Variants in PLCG2 observed in about 807,000 individuals in gnomAD.
The protein encoded by PLCG2 is phospholipase C gamma 2.
Under a neutral mutation model 175.6 loss-of-function variants are expected in PLCG2, and 69 were observed. That is an observed-to-expected ratio of 0.39 (90% CI 0.32 to 0.48). The LOEUF is 0.48. Ranked by LOEUF, PLCG2 falls within the 20% of genes least tolerant of loss-of-function variation. PLCG2 has a pLI of 0.91. For missense variants in PLCG2, 1,798 were observed against 1,650.9 expected, an observed-to-expected ratio of 1.09 and a Z score of -1.54; for synonymous variants, 827 against 624.0, an observed-to-expected ratio of 1.33 and a Z score of -4.85.
chr16:81,958,163 A>G lies in PLCG2; in HGVS notation c.*165A>G. 1 of 601,598 alleles carries G rather than the reference A, an allele frequency of 1.7e-6. No individual in the cohort carries two copies. The highest frequency in any genetic ancestry group is 3.0e-6 in the Non-Finnish European group (1 of 328,740). 37.3% of individuals were successfully genotyped at this position (601,598 alleles called of 1,614,324 possible). On this transcript the variant is annotated 3_prime_UTR_variant, in exon 33 of 33. Coordinates refer to ENST00000564138, the MANE Select transcript of PLCG2 (RefSeq NM_002661.5). ...AGACCCAACTGGCATGAGTTGGGGT[A>G]ATTTCCTATTATTTTCATCTTGGAC...
intron 6 of PLCG2, among the ~76,000 whole-genome samples, chr16:81,869,542 C>G (rs1907413138): frequency 6.6e-6 from 1 of 152,204 alleles, no homozygotes; most frequent in Non-Finnish European, 1.5e-5. Context: ...AACATCTACC[C>G]TCAGACCTGT....
chr16:81,846,469 A>C (rs1394841312), intron 2 of PLCG2, among the ~76,000 whole-genome samples: 1 of 152,256 alleles, frequency 6.6e-6, no homozygotes, highest in Non-Finnish European at 1.5e-5. Context: ...GATAACATGC[A>C]AAACATTAGC....
chr16:81,893,821 C>G (rs777201850), intron 12 of PLCG2, 27 bp downstream of exon 12: 2 of 1,449,242 alleles, frequency 1.4e-6, no homozygotes, highest in Non-Finnish European at 1.9e-6. Context: ...TGGTGGAGGT[C>G]AGGCTCGCAG....
At chr16:81,850,503 G>A (rs748972905) in intron 2 of PLCG2, among the ~76,000 whole-genome samples, 3 of 152,146 alleles carry the variant, frequency 2.0e-5, no homozygotes, top group East Asian at 1.9e-4. Flanking sequence ...CTGACCGTGC[G>A]TTCTTGGGCT....
At chr16:81,773,820 A>C (rs1029679993) in intron 2 of PLCG2, among the ~76,000 whole-genome samples, 15 of 152,160 alleles carry the variant, frequency 9.9e-5, no homozygotes, top group African/African-American at 2.9e-4. Context: ...GTGCAGAGCT[A>C]CAGAGAGTGA....
intron 7 of PLCG2, among the ~76,000 whole-genome samples, chr16:81,879,714 C>A (rs1263850192): frequency 1.3e-5 from 2 of 152,178 alleles, no homozygotes; most frequent in Non-Finnish European, 2.9e-5. Flanking sequence ...ACTGTTGAAG[C>A]AAGGCTACCT....
Position 81,746,985 on chromosome 16 carries a change from G to A in PLCG2, c.-145+7600G>A, listed in dbSNP as rs185527740. Among the ~76,000 whole-genome samples the A allele has an allele frequency of 5.7e-3, 862 of 152,204 alleles. 2 individuals are homozygous for A. Among genetic ancestry groups the A allele is most frequent in the Non-Finnish European group, 8.6e-3 (582 of 68,018 alleles). On this transcript the variant is annotated intron_variant, in intron 1 of 5. Transcript: ENST00000565054. Reference sequence around the variant, plus strand: ...TTAAGGAAATCTTGTCACATAAAGGGATTCAGCAAAGGTACACCAACCACC... The same window carrying A: ...TTAAGGAAATCTTGTCACATAAAGGAATTCAGCAAAGGTACACCAACCACC...
At chr16:81,956,168 AGTTGGGC>A (rs1911559565) in intron 31 of PLCG2, among the ~76,000 whole-genome samples, 1 of 152,178 alleles carries the variant, frequency 6.6e-6, no homozygotes, top group Non-Finnish European at 1.5e-5. Context: ...GATCTTTTAG[AGTTGGGC>A]TCATTCACTT....
At chr16:81,778,043 C>CAAACAAA (rs1910507100), upstream of PLCG2, among the ~76,000 whole-genome samples, 5 of 59,856 alleles carry the variant, frequency 8.4e-5, no homozygotes, top group African/African-American at 3.5e-4. Flanking sequence ...AAAAAAAAAA[C>CAAACAAA]AAAAAAAAAA....
At chr16:81,906,362 A>G (rs1909371271) in intron 15 of PLCG2, 1 of 152,206 alleles carries the variant, frequency 6.6e-6, no homozygotes, top group African/African-American at 2.4e-5. Context: ...CATTTTGAGT[A>G]TATTTTTACA....
intron 20 of PLCG2, among the ~76,000 whole-genome samples, chr16:81,920,342 C>T (rs1424390660): frequency 6.6e-6 from 1 of 152,148 alleles, no homozygotes; most frequent in Non-Finnish European, 1.5e-5. Flanking sequence ...AAGGACTGTT[C>T]TAGATACTAG....
chr16:81,767,141 T>TG (rs1910168129), intron 2 of PLCG2, among the ~76,000 whole-genome samples: 2 of 128,246 alleles, frequency 1.6e-5, no homozygotes, highest in Non-Finnish European at 3.5e-5. Flanking sequence ...TCGTGGTTTT[T>TG]TTTTTTTTTT....
At chr16:81,756,239 A>T (rs1909924558) in intron 2 of PLCG2, among the ~76,000 whole-genome samples, 1 of 152,202 alleles carries the variant, frequency 6.6e-6, no homozygotes, top group Non-Finnish European at 1.5e-5. Context: ...GCCAACTGGC[A>T]AGTGGCCACT....
chr16:81,750,702 C>G (rs1283251062), intron 1 of PLCG2, among the ~76,000 whole-genome samples: 5 of 64,300 alleles, frequency 7.8e-5, no homozygotes, highest in South Asian at 6.0e-4. Context: ...GAGTCTCCCT[C>G]TTTTGCCCAG....
chr16:81,893,921 G>A lies in PLCG2; in HGVS notation c.1072+127G>A, dbSNP rs1703212463. 12 of 577,362 alleles carry A rather than the reference G, an allele frequency of 2.1e-5. No individual in the cohort carries two copies. The South Asian group carries it at 2.5e-4, about 12-fold the overall frequency. The allele number at this position is 577,362 out of a possible 1,614,324, so 35.8% of individuals were successfully genotyped here. ...ACACATAATAACTGTGCATATTTATGGAGTTAGAGTGTGATGTTTCTTTGT... is the reference window on the plus strand; with the variant it reads ...ACACATAATAACTGTGCATATTTATAGAGTTAGAGTGTGATGTTTCTTTGT... On this transcript the variant is annotated intron_variant, in intron 12 of 32. Coordinates refer to ENST00000564138, the MANE Select transcript of PLCG2 (RefSeq NM_002661.5).
intron 1 of PLCG2, 48 bp from the exon 2 acceptor site, chr16:81,785,895 C>G: frequency 8.6e-7 from 1 of 1,165,134 alleles, no homozygotes; most frequent in South Asian, 1.4e-5. Flanking sequence ...GTTAACTAAA[C>G]CCCTTTCAGT....
intron 25 of PLCG2, among the ~76,000 whole-genome samples, chr16:81,933,442 G>T (rs1646797909): frequency 6.6e-6 from 1 of 152,190 alleles, no homozygotes; most frequent in Non-Finnish European, 1.5e-5. Flanking sequence ...CTCATTGATG[G>T]CAGAGGGCAG....
chr16:81,830,670 A>G lies in PLCG2; in HGVS notation c.194-23774A>G, dbSNP rs532096072. The stretch of plus-strand genomic sequence containing the variant: ...GGGGTGTGTGTGTGTGTGTGTGTAT[A>G]TATATATATACACACATATATTTTA... On this transcript the variant is annotated intron_variant, in intron 2 of 32. Transcript: ENST00000564138. 2.1e-4 allele frequency among the ~76,000 whole-genome samples: 32 copies of G among 149,278 alleles called. No homozygotes were observed. In the South Asian group the frequency reaches 6.6e-3, roughly 31 times the overall value.
At chr16:81,876,936 G>T (rs1442360395) in intron 7 of PLCG2, among the ~76,000 whole-genome samples, 3 of 152,244 alleles carry the variant, frequency 2.0e-5, no homozygotes, top group African/African-American at 7.2e-5. Context: ...GGATGCTAGA[G>T]ATTTACCAAG....
Sources: gnomAD v4.1 joint callset for allele counts (sites outside exome capture counted in the v4.1 genomes callset) on GRCh38, gnomAD v4.1.1 for gene constraint, MANE v1.5 for transcripts, NCBI Gene and HGNC (gene_info 2026-07-23, HGNC 2026-07-21) for gene names.